Variants in ARAP1 observed in about 807,000 individuals in gnomAD.
The protein encoded by ARAP1 is arf-GAP with Rho-GAP domain, ANK repeat and PH domain-containing protein 1.
Under a neutral mutation model 172.2 loss-of-function variants are expected in ARAP1, and 76 were observed. The ratio of observed to expected loss-of-function variants is 0.44; its 90% CI spans 0.37 to 0.53. ARAP1 has a LOEUF of 0.53. Ranked by LOEUF, ARAP1 falls within the 20% of genes least tolerant of loss-of-function variation. The pLI is 0.00. For synonymous variants in ARAP1, 804 were observed against 803.3 expected, an observed-to-expected ratio of 1.00 and a Z score of -0.01; for missense variants, 1,686 against 1,977.5, an observed-to-expected ratio of 0.85 and a Z score of 2.80.
chr11:72,736,238 C>CT (rs1858019402), intron 1 of ARAP1, among the ~76,000 whole-genome samples: 1 of 135,140 alleles, frequency 7.4e-6, no homozygotes, highest in Non-Finnish European at 1.6e-5. Flanking sequence ...ATTTTAGTTA[C>CT]CTTTTTTTTT....
chr11:72,703,141 T>C, intron 14 of ARAP1, 62 bp from the exon 15 acceptor site: 1 of 1,446,486 alleles, frequency 6.9e-7, no homozygotes, highest in Non-Finnish European at 9.1e-7. Context: ...GGAAAGGGGC[T>C]ACGGGGGAGG....
intron 16 of ARAP1, among the ~76,000 whole-genome samples, chr11:72,700,962 C>CA (rs1270718066): frequency 6.6e-6 from 1 of 152,218 alleles, no homozygotes; most frequent in Non-Finnish European, 1.5e-5. Context: ...CGCGCCATTG[C>CA]ACTCCAGCCT....
intron 1 of ARAP1, among the ~76,000 whole-genome samples, chr11:72,746,146 C>A (rs1162316472): frequency 5.9e-5 from 9 of 152,182 alleles, no homozygotes. Flanking sequence ...AATTAGCCAG[C>A]CACCAGCCCT....
intron 3 of ARAP1, among the ~76,000 whole-genome samples, chr11:72,721,139 G>C (rs375123083): frequency 2.0e-5 from 3 of 152,290 alleles, no homozygotes; most frequent in East Asian, 3.9e-4. Flanking sequence ...GAAAAGATGA[G>C]CCAAGGGCAC....
At chr11:72,711,529 G>T in intron 7 of ARAP1, 30 bp from the exon 8 acceptor site, 1 of 1,589,074 alleles carries the variant, frequency 6.3e-7, no homozygotes, top group South Asian at 1.1e-5. Context: ...ACAAGCAAAT[G>T]ACCGGGGGTA....
chr11:72,712,364 G>A (rs202239785), intron 6 of ARAP1, 25 bp from the exon 7 acceptor site: 2 of 1,543,642 alleles, frequency 1.3e-6, no homozygotes, highest in East Asian at 2.3e-5. Context: ...GGGGATGGGG[G>A]GCCGGGCTGA....
chr11:72,704,668 T>A (rs979740464), intron 13 of ARAP1: 18 of 277,294 alleles, frequency 6.5e-5, no homozygotes, highest in Non-Finnish European at 1.1e-4. Context: ...CCTGAGGCTG[T>A]GACAGCTGGG....
intron 15 of ARAP1, 130 bp downstream of exon 15, chr11:72,702,774 CA>C: frequency 8.4e-7 from 1 of 1,187,900 alleles, no homozygotes; most frequent in Non-Finnish European, 1.2e-6. Context: ...CAAACCCAAG[CA>C]CACCCCAGCT....
intron 11 of ARAP1, among the ~76,000 whole-genome samples, chr11:72,708,739 A>G (rs1383391158): frequency 6.6e-6 from 1 of 152,182 alleles, no homozygotes; most frequent in African/African-American, 2.4e-5. Context: ...CAGATGGGGT[A>G]AAAAGGAATG....
chr11:72,691,100 C>T (rs1855915404), intron 30 of ARAP1, among the ~76,000 whole-genome samples: 2 of 152,228 alleles, frequency 1.3e-5, no homozygotes, highest in African/African-American at 2.4e-5. Context: ...TCCAGGAATA[C>T]AAGCTTGCGT....
intron 3 of ARAP1, among the ~76,000 whole-genome samples, chr11:72,719,405 A>G (rs1314998620): frequency 6.6e-6 from 1 of 152,230 alleles, no homozygotes; most frequent in Non-Finnish European, 1.5e-5. Context: ...AATTAACTAG[A>G]GACAGGGCTT....
intron 22 of ARAP1, 131 bp from the exon 23 acceptor site, chr11:72,696,785 T>C: frequency 2.1e-6 from 2 of 951,614 alleles, no homozygotes; most frequent in Non-Finnish European, 1.5e-6. Context: ...AGGCCAGGCA[T>C]TCAACCAGGG....
intron 3 of ARAP1, among the ~76,000 whole-genome samples, chr11:72,724,191 C>T (rs1404296792): frequency 2.0e-5 from 3 of 152,208 alleles, no homozygotes; most frequent in Admixed American, 1.3e-4. Context: ...CTACCACCCA[C>T]ACCCATCTGT....
At chr11:72,743,481 G>A (rs543259033) in intron 1 of ARAP1, among the ~76,000 whole-genome samples, 23 of 152,252 alleles carry the variant, frequency 1.5e-4, no homozygotes, top group Admixed American at 7.2e-4. Flanking sequence ...GGTCTGCAGA[G>A]GGTTGGACTG....
chr11:72,701,154 C>T (rs1856463835), intron 16 of ARAP1, among the ~76,000 whole-genome samples: 1 of 151,986 alleles, frequency 6.6e-6, no homozygotes, highest in African/African-American at 2.4e-5. Flanking sequence ...GGGAACAGCA[C>T]AGGCAAAGAT....
At position 72,685,567 on chromosome 11, in the gene ARAP1, C is replaced by A. The variant is rs1013159681; in HGVS notation, c.*97G>T. The A allele has an allele frequency of 5.9e-6, 9 of 1,529,472 alleles. No individual in the cohort carries two copies. Among genetic ancestry groups the A allele is most frequent in the Admixed American group, 3.4e-5 (2 of 59,270 alleles). The allele number at this position is 1,529,472 out of a possible 1,614,324, so 94.7% of individuals were successfully genotyped here. ...GTTGTGGGGTGCAGTTTCCCATGCA[C>A]CCCCCGCTGGCTCACATCAGGCCTT... On this transcript the variant is annotated 3_prime_UTR_variant, in exon 35 of 35. Transcript: ENST00000393609.
chr11:72,685,330 A>AT lies in ARAP1; in HGVS notation c.*333_*334insA. 1 of 380,772 alleles carries AT rather than the reference A, an allele frequency of 2.6e-6. No homozygotes were observed. Among genetic ancestry groups the AT allele is most frequent in the Non-Finnish European group, 4.9e-6 (1 of 206,154 alleles). 23.6% of individuals were successfully genotyped at this position (380,772 alleles called of 1,614,324 possible). A position where few individuals can be genotyped will look rare whatever the true frequency, so the allele number is the denominator to read the frequency against. On this transcript the variant is annotated 3_prime_UTR_variant, in exon 35 of 35. Coordinates refer to ENST00000393609, the MANE Select transcript of ARAP1 (RefSeq NM_001040118.3). ...CCTTCCGGCAGGGCCCCAGGGCCTC[A>AT]CGCCTCTGAAAGGGTGGTGGTCCTC...
chr11:72,692,149 T>G (rs1424719982), intron 30 of ARAP1, among the ~76,000 whole-genome samples: 1 of 152,132 alleles, frequency 6.6e-6, no homozygotes, highest in South Asian at 2.1e-4. Flanking sequence ...CATCATGAGA[T>G]GCAGATTCTC....
intron 1 of ARAP1, among the ~76,000 whole-genome samples, chr11:72,749,913 C>A (rs796854572): frequency 3.9e-5 from 6 of 152,218 alleles, no homozygotes; most frequent in African/African-American, 1.4e-4. Flanking sequence ...CCCCTTTCCC[C>A]CAGAGAGGCC....
Sources: allele counts gnomAD v4.1 joint callset (sites outside exome capture counted in the v4.1 genomes callset), GRCh38; gene constraint gnomAD v4.1.1; transcripts MANE v1.5; gene names NCBI Gene and HGNC (gene_info 2026-07-23, HGNC 2026-07-21).